The following RANBP17 variants were observed in gnomAD, a reference collection of about 807,000 sequenced individuals.
The protein encoded by RANBP17 is ran-binding protein 17.
RANBP17 carries 158 observed loss-of-function variants against 141.2 expected under a neutral mutation model. That is an observed-to-expected ratio of 1.12 (90% CI 0.98 to 1.28). The LOEUF (loss-of-function observed/expected upper bound fraction) is 1.28. RANBP17 is among the 50% of genes most tolerant of loss of function. The pLI, the probability that RANBP17 is intolerant of heterozygous loss-of-function variation, is 0.00. For missense variants in RANBP17, 1,438 were observed against 1,290.7 expected, an observed-to-expected ratio of 1.11 and a Z score of -1.75; for synonymous variants, 430 against 450.0, an observed-to-expected ratio of 0.96 and a Z score of 0.56.
intron 14 of RANBP17, among the ~76,000 whole-genome samples, chr5:171,144,089 G>A (rs188133540): frequency 1.3e-5 from 2 of 152,286 alleles, no homozygotes; most frequent in South Asian, 2.1e-4. Flanking sequence ...CCGTCTGGGC[G>A]TGGTGGCTCA....
chr5:171,233,637 A>G (rs916798266), intron 22 of RANBP17, among the ~76,000 whole-genome samples: 12 of 152,220 alleles, frequency 7.9e-5, no homozygotes, highest in Non-Finnish European at 1.5e-4. Context: ...AAAGAAGCCA[A>G]TCTGAAAAGC....
chr5:171,071,361 A>G (rs994850997), intron 14 of RANBP17, among the ~76,000 whole-genome samples: 1 of 152,106 alleles, frequency 6.6e-6, no homozygotes, highest in Non-Finnish European at 1.5e-5. Flanking sequence ...GCTAATTCTA[A>G]AACTTATGTG....
At chr5:170,912,782 G>A (rs1210222878) in intron 7 of RANBP17, among the ~76,000 whole-genome samples, 1 of 151,824 alleles carries the variant, frequency 6.6e-6, no homozygotes, top group Non-Finnish European at 1.5e-5. Flanking sequence ...GATGGAGAAA[G>A]AAGGAAATTT....
At chr5:171,020,734 G>A (rs112432694) in intron 14 of RANBP17, among the ~76,000 whole-genome samples, 248 of 151,980 alleles carry the variant, frequency 1.6e-3, no homozygotes, top group Non-Finnish European at 2.3e-3. Context: ...CCAGTTTGCC[G>A]GTCTGTGTCT....
intron 5 of RANBP17, among the ~76,000 whole-genome samples, chr5:170,898,792 C>A (rs570382883): frequency 5.3e-5 from 8 of 152,266 alleles, no homozygotes; most frequent in African/African-American, 1.9e-4. Context: ...TTCCCCATTT[C>A]TTGTTTTTGT....
Position 171,277,637 on chromosome 5 carries a change from G to GTATGTATATGTATATATA in RANBP17, c.2943+11793_2943+11794insGTATATGTATATATATAT, listed in dbSNP as rs1554127913. ...GTGCCTTACGTATACATATATGTAT[G>GTATGTATATGTATATATA]TATATATATATATATATATATATAT... On this transcript the variant is annotated intron_variant, in intron 25 of 27. Transcript: ENST00000523189. Among the ~76,000 whole-genome samples the GTATGTATATGTATATATA allele has an allele frequency of 4.1e-3, 234 of 56,884 alleles. 7 individuals carry two copies. Among genetic ancestry groups the GTATGTATATGTATATATA allele is most frequent in the East Asian group, 0.022 (25 of 1,136 alleles). The allele number at this position is 56,884 out of a possible 152,430, so 37.3% of individuals were successfully genotyped here.
At chr5:170,893,709 C>T (rs1039285439) in intron 4 of RANBP17, among the ~76,000 whole-genome samples, 43 of 151,852 alleles carry the variant, frequency 2.8e-4, no homozygotes, top group African/African-American at 9.7e-4. Flanking sequence ...AGGAGAATGG[C>T]GTGAACCCGG....
chr5:171,198,248 G>A (rs1207832903), intron 18 of RANBP17, among the ~76,000 whole-genome samples: 1 of 152,228 alleles, frequency 6.6e-6, no homozygotes, highest in African/African-American at 2.4e-5. Context: ...AGTTGACAGA[G>A]AAGAGATTAT....
chr5:171,205,289 T>C lies in RANBP17; in HGVS notation c.2143-235T>C, dbSNP rs370248571. Among the ~76,000 whole-genome samples, 35 of 152,326 alleles carry C rather than the reference T, an allele frequency of 2.3e-4. 1 individual carries two copies. In the South Asian group the frequency reaches 6.6e-3, roughly 29 times the overall value. ...CAAAGTATATTAAGACTCTAAATGC[T>C]TAGCTACACTACTGGAATTATGACT... On this transcript the variant is annotated intron_variant, in intron 19 of 27. Coordinates refer to ENST00000523189, the MANE Select transcript of RANBP17 (RefSeq NM_022897.5).
chr5:170,944,276 C>T (rs914592553), intron 12 of RANBP17, among the ~76,000 whole-genome samples: 11 of 152,044 alleles, frequency 7.2e-5, no homozygotes, highest in East Asian at 3.8e-4. Flanking sequence ...TTAATAAGAA[C>T]GTCTTTTTTT....
At chr5:170,951,121 A>C (rs570842796) in intron 12 of RANBP17, among the ~76,000 whole-genome samples, 64 of 152,154 alleles carry the variant, frequency 4.2e-4, no homozygotes, top group African/African-American at 1.5e-3. Flanking sequence ...AATGAGTACA[A>C]ACATACAGTT....
chr5:170,866,458 G>A (rs1005832910), intron 1 of RANBP17, among the ~76,000 whole-genome samples: 1 of 152,026 alleles, frequency 6.6e-6, no homozygotes, highest in African/African-American at 2.4e-5. Context: ...GGTGGGTCAC[G>A]AGGTCACGAA....
intron 14 of RANBP17, among the ~76,000 whole-genome samples, chr5:171,087,875 G>T (rs1390643775): frequency 6.6e-6 from 1 of 151,866 alleles, no homozygotes; most frequent in South Asian, 2.1e-4. Flanking sequence ...TGTGAGATGG[G>T]TTTCCTGAAT....
At chr5:171,034,766 C>G (rs1781763840) in intron 14 of RANBP17, among the ~76,000 whole-genome samples, 2 of 152,124 alleles carry the variant, frequency 1.3e-5, no homozygotes, top group Non-Finnish European at 2.9e-5. Flanking sequence ...TTTTTCCTGC[C>G]CAGCATCTTT....
At chr5:171,162,948 G>C (rs1251174431) in intron 14 of RANBP17, among the ~76,000 whole-genome samples, 1 of 152,146 alleles carries the variant, frequency 6.6e-6, no homozygotes, top group African/African-American at 2.4e-5. Flanking sequence ...AGATTTGTTA[G>C]GTACATGTGC....
intron 25 of RANBP17, among the ~76,000 whole-genome samples, chr5:171,293,381 G>C (rs1768622324): frequency 1.3e-5 from 2 of 152,232 alleles, no homozygotes. Context: ...AGAGTGAAGA[G>C]AAACCTCGAA....
intron 14 of RANBP17, among the ~76,000 whole-genome samples, chr5:171,118,938 T>C (rs753114248): frequency 6.6e-6 from 1 of 152,192 alleles, no homozygotes; most frequent in African/African-American, 2.4e-5. Context: ...CTAATTGCTC[T>C]GGATACGACT....
At chr5:170,930,504 G>C (rs1294871764) in intron 12 of RANBP17, among the ~76,000 whole-genome samples, 1 of 151,728 alleles carries the variant, frequency 6.6e-6, no homozygotes, top group African/African-American at 2.4e-5. Flanking sequence ...TTGGTGTGCT[G>C]CACCTGTTAA....
At chr5:171,104,328 C>G (rs575120130) in intron 14 of RANBP17, among the ~76,000 whole-genome samples, 1 of 152,256 alleles carries the variant, frequency 6.6e-6, no homozygotes, top group East Asian at 1.9e-4. Flanking sequence ...TGAGCCACCG[C>G]GCCTGGCCTG....
Sources: gnomAD v4.1 joint callset for allele counts (sites outside exome capture counted in the v4.1 genomes callset) on GRCh38, gnomAD v4.1.1 for gene constraint, MANE v1.5 for transcripts, NCBI Gene and HGNC (gene_info 2026-07-23, HGNC 2026-07-21) for gene names.